The following ACLY variants were observed in gnomAD, a reference collection of about 807,000 sequenced individuals.
The protein encoded by ACLY is ATP-citrate synthase.
A neutral mutation model predicts 133.0 loss-of-function variants in ACLY; 41 were observed. That is an observed-to-expected ratio of 0.31 (90% CI 0.24 to 0.40). The LOEUF is 0.40. Ranked by LOEUF, ACLY falls within the 10% of genes least tolerant of loss-of-function variation. The pLI, the probability that ACLY is intolerant of heterozygous loss-of-function variation, is 1.00. For missense variants in ACLY, 1,046 were observed against 1,453.8 expected (o/e 0.72, Z 4.56); for synonymous variants, 495 against 549.3 (o/e 0.90, Z 1.38).
At chr17:41,918,261 C>T (rs2050108842) in intron 1 of ACLY, among the ~76,000 whole-genome samples, 1 of 152,254 alleles carries the variant, frequency 6.6e-6, no homozygotes, top group African/African-American at 2.4e-5. Flanking sequence ...CGAGGAGGGT[C>T]CTTGCTGCGA....
chr17:41,879,659 A>AAAAAAAAAAAC (rs2048858366), intron 20 of ACLY, among the ~76,000 whole-genome samples: 1 of 53,882 alleles, frequency 1.9e-5, no homozygotes, highest in Non-Finnish European at 4.4e-5. Context: ...AAAAAAAAAA[A>AAAAAAAAAAAC]AAAAAAAAAA....
Position 41,893,162 on chromosome 17 carries a change from G to A in ACLY, c.1472C>T (p.Thr491Ile). ...GGCCTTGGTGTGGCGGCTGAAGAGGGTGGTGCTCTTTCCTGGTGGGCAAAG... is the reference window on the plus strand; with the variant it reads ...GGCCTTGGTGTGGCGGCTGAAGAGGATGGTGCTCTTTCCTGGTGGGCAAAG... ...SPRSLQGKST[T>I]LFSRHTKAIV... Residue 491 changes from threonine to isoleucine, a missense_variant, in exon 15 of 29, where the codon ACC (threonine) becomes ATC (isoleucine). Coordinates refer to ENST00000352035, the MANE Select transcript of ACLY (RefSeq NM_001096.3). The A allele has an allele frequency of 6.2e-7, 1 of 1,613,200 alleles. No individual in the cohort carries two copies. Among genetic ancestry groups the A allele is most frequent in the East Asian group, 2.2e-5 (1 of 44,832 alleles).
chr17:41,906,830 A>C (rs11079024), intron 7 of ACLY, among the ~76,000 whole-genome samples, 184 bp from the exon 8 acceptor site: 128,311 of 152,164 alleles, frequency 0.84, 55,346 homozygotes, highest in East Asian at 1. Flanking sequence ...AGTACCAAAA[A>C]CACCCATAGT....
intron 1 of ACLY, among the ~76,000 whole-genome samples, chr17:41,915,981 T>C (rs1298490001): frequency 6.6e-6 from 1 of 152,092 alleles, no homozygotes; most frequent in Non-Finnish European, 1.5e-5. Flanking sequence ...AACAGTCCCC[T>C]GAACCTGGCA....
At chr17:41,887,819 C>T (rs2049096127) in intron 16 of ACLY, 116 bp from the exon 17 acceptor site, 1 of 833,026 alleles carries the variant, frequency 1.2e-6, no homozygotes, top group Non-Finnish European at 2.0e-6. Flanking sequence ...GGTCCAAGAA[C>T]AAAGTAATGT....
chr17:41,913,897 C>A lies in ACLY; in HGVS notation c.-23-1G>T. 1 of 1,613,970 alleles carries A rather than the reference C, an allele frequency of 6.2e-7. No individual in the cohort carries two copies. The highest frequency in any genetic ancestry group is 8.5e-7 in the Non-Finnish European group (1 of 1,179,856). On this transcript the variant is annotated splice_acceptor_variant, in intron 1 of 28. Transcript: ENST00000352035. LOFTEE classifies it low-confidence loss of function (5UTR_SPLICE). ...ATGGCTGCAGAGAGACCTGCTCTAC[C>A]TGTCTGGGAGAGAGAAGCTGGTCAG...
chr17:41,913,651 A>C, intron 2 of ACLY, 64 bp downstream of exon 2: 1 of 1,559,322 alleles, frequency 6.4e-7, no homozygotes, highest in Non-Finnish European at 8.7e-7. Context: ...CCAACAAACC[A>C]ATGGCTTTCT....
At chr17:41,921,738 GGT>G (rs1228611764), upstream of ACLY, among the ~76,000 whole-genome samples, 1 of 151,978 alleles carries the variant, frequency 6.6e-6, no homozygotes, top group Non-Finnish European at 1.5e-5. Flanking sequence ...GGTAGGCCAA[GGT>G]GGGAAAATCA....
chr17:41,904,713 C>T lies in ACLY; in HGVS notation c.1065+16G>A, dbSNP rs1169504937. On this transcript the variant is annotated intron_variant, in intron 10 of 28. Transcript: ENST00000352035. ...ACCACTTTCCCCAGAAACTGCACCACTGTTGCAACTGTTACCTTGAACGTG... is the reference window on the plus strand; with the variant it reads ...ACCACTTTCCCCAGAAACTGCACCATTGTTGCAACTGTTACCTTGAACGTG... 6.2e-7 allele frequency: 1 copy of T among 1,612,328 alleles called. No individual in the cohort carries two copies. Among genetic ancestry groups the T allele is most frequent in the African/African-American group, 1.3e-5 (1 of 74,994 alleles).
At chr17:41,874,814 C>A (rs1052154079) in intron 22 of ACLY, among the ~76,000 whole-genome samples, 2 of 142,886 alleles carry the variant, frequency 1.4e-5, no homozygotes, top group East Asian at 2.2e-4. Context: ...ACCTCATGAT[C>A]CGCCTGCCTC....
intron 23 of ACLY, 41 bp from the exon 24 acceptor site, chr17:41,872,223 GC>G: frequency 6.3e-7 from 1 of 1,587,994 alleles, no homozygotes; most frequent in Non-Finnish European, 8.6e-7. Context: ...GGTCGACAAG[GC>G]CATGCTCGTA....
At chr17:41,903,290 C>A (rs1555631947) in intron 10 of ACLY, among the ~76,000 whole-genome samples, 1 of 152,150 alleles carries the variant, frequency 6.6e-6, no homozygotes. Context: ...TTAGCTCTGT[C>A]TTCCTTGTTG....
At position 41,901,721 on chromosome 17, in the gene ACLY, C is replaced by T. The variant is rs2049546961; in HGVS notation, c.1158G>A (p.Glu386=). Residue 386 remains glutamate (E), a synonymous_variant, in exon 11 of 29, where the codon GAG becomes GAA. Transcript: ENST00000352035. ...FVRRGGPNYQ[E]GLRVMGEVGK... The stretch of plus-strand genomic sequence containing the variant: ...CGACTTCTCCCATCACCCGTAAGCC[C>T]TCCTGATAGTTGGGGCCACCTCTTC... The T allele has an allele frequency of 6.2e-7, 1 of 1,610,942 alleles. No homozygotes were observed. The highest frequency in any genetic ancestry group is 1.3e-5 in the African/African-American group (1 of 74,768).
At chr17:41,876,040 C>T (rs1465542190) in intron 22 of ACLY, among the ~76,000 whole-genome samples, 1 of 151,286 alleles carries the variant, frequency 6.6e-6, no homozygotes, top group Non-Finnish European at 1.5e-5. Flanking sequence ...AGGTGAGGAG[C>T]GTCTCTGCCC....
chr17:41,901,944 G>T, intron 10 of ACLY, 131 bp from the exon 11 acceptor site: 1 of 701,610 alleles, frequency 1.4e-6, no homozygotes. Context: ...CTACGCATAA[G>T]CAGCCACGGC....
chr17:41,923,047 C>A (rs1162056477), upstream of ACLY, among the ~76,000 whole-genome samples: 1 of 152,172 alleles, frequency 6.6e-6, no homozygotes, highest in Non-Finnish European at 1.5e-5. Context: ...AAGCTCTAAA[C>A]CAGGCTGGGT....
chr17:41,907,590 G>A lies in ACLY; in HGVS notation c.617-18C>T. ...GGTCACTACTTCAAGGGGAGCAGAG[G>A]CAATCATCAGACACCGGCTCTGGGT... On this transcript the variant is annotated intron_variant, in intron 6 of 28. Transcript: ENST00000352035. 6.2e-7 allele frequency: 1 copy of A among 1,610,714 alleles called. No homozygotes were observed. The highest frequency in any genetic ancestry group is 8.5e-7 in the Non-Finnish European group (1 of 1,177,174).
chr17:41,885,133 G>A (rs1411141187), intron 18 of ACLY, among the ~76,000 whole-genome samples: 3 of 151,682 alleles, frequency 2.0e-5, no homozygotes, highest in Non-Finnish European at 4.4e-5. Flanking sequence ...TCCTCCCTCA[G>A]CCCCCCAAAG....
rs1240885304 is a variant in ACLY at position 41,929,506 on chromosome 17, T to A, written c.-28+852A>T. 3.3e-5 allele frequency among the ~76,000 whole-genome samples: 5 copies of A among 152,264 alleles called. No homozygotes were observed. In the East Asian group the frequency reaches 9.6e-4, roughly 29 times the overall value. On this transcript the variant is annotated intron_variant, in intron 1 of 3. Transcript: ENST00000592970. ...CCAGACCCTGGCTGAATCATTCATT[T>A]GCCTGGGTTTCACACCACTTTGTCC...
Sources: gnomAD v4.1 joint callset for allele counts (sites outside exome capture counted in the v4.1 genomes callset) on GRCh38, gnomAD v4.1.1 for gene constraint, MANE v1.5 for transcripts, NCBI Gene and HGNC (gene_info 2026-07-23, HGNC 2026-07-21) for gene names.